CUX1: variants seen among roughly 807,000 people sequenced by gnomAD.
CUX1 encodes the protein cut like homeobox 1.
CUX1 carries 31 observed loss-of-function variants against 158.8 expected under a neutral mutation model. The ratio of observed to expected loss-of-function variants is 0.20; its 90% CI spans 0.15 to 0.26. The LOEUF (loss-of-function observed/expected upper bound fraction) is 0.26. Ranked by LOEUF, CUX1 falls within the 10% of genes least tolerant of loss-of-function variation. The pLI is 1.00. For missense variants in CUX1, 1,589 were observed against 2,014.6 expected, an observed-to-expected ratio of 0.79 and a Z score of 4.04; for synonymous variants, 879 against 862.1, an observed-to-expected ratio of 1.02 and a Z score of -0.34.
intron 8 of CUX1, among the ~76,000 whole-genome samples, chr7:102,147,135 G>A (rs1554502312): frequency 6.6e-6 from 1 of 152,070 alleles, no homozygotes; most frequent in Non-Finnish European, 1.5e-5. Flanking sequence ...GATTGGGGAG[G>A]GGTGGGGCCA....
At chr7:102,219,736 TG>T (rs1797627440) in intron 20 of CUX1, among the ~76,000 whole-genome samples, 1 of 152,260 alleles carries the variant, frequency 6.6e-6, no homozygotes, top group Non-Finnish European at 1.5e-5. Context: ...AGAAAGCTCA[TG>T]AGTGTCTCTG....
In CUX1 at chr7:102,239,316, G is replaced by T; in HGVS notation, c.3623-4G>T. 6.3e-7 allele frequency: 1 copy of T among 1,596,594 alleles called. No individual in the cohort carries two copies. The highest frequency in any genetic ancestry group is 8.6e-7 in the Non-Finnish European group (1 of 1,167,814). ...ACCTTAGTCTGCCATCTCTTCCTCC[G>T]CAGCCTACATGAAGCGGCGGCACAG... On this transcript the variant is annotated splice_polypyrimidine_tract_variant and splice_region_variant and intron_variant, in intron 22 of 23. Coordinates refer to ENST00000292535, the MANE Select transcript of CUX1 (RefSeq NM_181552.4).
intron 1 of CUX1, among the ~76,000 whole-genome samples, chr7:101,819,533 CCT>C (rs759649541): frequency 1.3e-5 from 2 of 152,056 alleles, no homozygotes. Flanking sequence ...TTTTTTTCCC[CCT>C]GTTGTGGAAG....
chr7:102,267,503 T>C (rs929264047), intron 14 of CUX1, among the ~76,000 whole-genome samples: 1 of 152,042 alleles, frequency 6.6e-6, no homozygotes, highest in South Asian at 2.1e-4. Flanking sequence ...CATTGCACTC[T>C]AGCCTGGGTG....
chr7:101,940,614 A>G (rs1807592680), intron 2 of CUX1, among the ~76,000 whole-genome samples: 1 of 151,982 alleles, frequency 6.6e-6, no homozygotes, highest in Non-Finnish European at 1.5e-5. Flanking sequence ...TAGTTCTTAT[A>G]TTGTCATTTA....
At chr7:102,061,427 T>A (rs1200689505) in intron 3 of CUX1, among the ~76,000 whole-genome samples, 2 of 152,094 alleles carry the variant, frequency 1.3e-5, no homozygotes, top group African/African-American at 4.8e-5. Flanking sequence ...ACTTGGTGGG[T>A]TTCTGCGTCT....
chr7:102,026,089 G>A (rs904718691), intron 2 of CUX1, among the ~76,000 whole-genome samples: 22 of 152,124 alleles, frequency 1.4e-4, no homozygotes, highest in African/African-American at 4.3e-4. Context: ...TGAGGTGGGA[G>A]GATCGCTTGA....
intron 5 of CUX1, 63 bp from the exon 6 acceptor site, chr7:102,104,273 A>C (rs1830100226): frequency 6.7e-7 from 1 of 1,502,250 alleles, no homozygotes. Context: ...AGAGCCTTGT[A>C]CCTACAGCCA....
chr7:102,028,539 C>T (rs1445222080), intron 3 of CUX1, among the ~76,000 whole-genome samples: 2 of 152,202 alleles, frequency 1.3e-5, no homozygotes, highest in Admixed American at 6.5e-5. Context: ...TGGTGCTTTG[C>T]TGAGAGGCTG....
chr7:102,231,223 G>T, intron 21 of CUX1, among the ~76,000 whole-genome samples: 1 of 151,968 alleles, frequency 6.6e-6, no homozygotes, highest in Non-Finnish European at 1.5e-5. Context: ...GTAGAGACGG[G>T]GTTTCACTGT....
At chr7:102,275,970 C>A (rs1412677459) in intron 17 of CUX1, among the ~76,000 whole-genome samples, 1 of 151,324 alleles carries the variant, frequency 6.6e-6, no homozygotes, top group Non-Finnish European at 1.5e-5. Context: ...TGAGATCGTG[C>A]CACTGCACTC....
rs11459794 is a variant in CUX1 at position 102,139,244 on chromosome 7, TAAAAAAAA to T, written c.675-19300_675-19293del. On this transcript the variant is annotated intron_variant, in intron 8 of 23. Transcript: ENST00000292535. Reference sequence around the variant, plus strand: ...TGGGCAACAGAGAGAGACTACATCTTAAAAAAAAAAAAAAAAAAAAAAAGGAATGGTAT... The same window carrying T: ...TGGGCAACAGAGAGAGACTACATCTTAAAAAAAAAAAAAAAGGAATGGTAT... 6.5e-3 allele frequency among the ~76,000 whole-genome samples: 607 copies of T among 93,156 alleles called. 3 individuals carry two copies. The highest frequency in any genetic ancestry group is 0.04 in the Middle Eastern group (6 of 150). The allele number at this position is 93,156 out of a possible 152,430, so 61.1% of individuals were successfully genotyped here.
Position 102,255,582 on chromosome 7 carries a change from T to A in CUX1, c.*6540T>A. The A allele has an allele frequency of 1.0e-6, 1 of 985,424 alleles. No homozygotes were observed. Among genetic ancestry groups the A allele is most frequent in the African/African-American group, 1.7e-5 (1 of 57,366 alleles). 61.0% of individuals were successfully genotyped at this position (985,424 alleles called of 1,614,324 possible). Reference sequence around the variant, plus strand: ...ACTGTAATTTCTGTAGTGTTTACGCTTTAATTTCTACCACAAAATATGCTA... The same window carrying A: ...ACTGTAATTTCTGTAGTGTTTACGCATTAATTTCTACCACAAAATATGCTA... On this transcript the variant is annotated 3_prime_UTR_variant, in exon 24 of 24. Coordinates refer to ENST00000292535, the MANE Select transcript of CUX1 (RefSeq NM_181552.4).
At chr7:101,933,977 G>A (rs1563028661) in intron 2 of CUX1, among the ~76,000 whole-genome samples, 3 of 152,202 alleles carry the variant, frequency 2.0e-5, no homozygotes, top group East Asian at 1.9e-4. Flanking sequence ...CATGTATGGC[G>A]TGCTGAGGAA....
chr7:102,089,516 G>A (rs1418489172), intron 4 of CUX1, among the ~76,000 whole-genome samples: 3 of 152,182 alleles, frequency 2.0e-5, no homozygotes, highest in Non-Finnish European at 4.4e-5. Flanking sequence ...GATGAGTTTA[G>A]CCCTCCACTC....
At chr7:102,005,600 G>C (rs1161837366) in intron 2 of CUX1, among the ~76,000 whole-genome samples, 1 of 152,022 alleles carries the variant, frequency 6.6e-6, no homozygotes, top group African/African-American at 2.4e-5. Context: ...CCTCCCACAG[G>C]GCTGGGGTTA....
chr7:102,013,125 C>CAA (rs35020263), intron 2 of CUX1, among the ~76,000 whole-genome samples: 7 of 112,596 alleles, frequency 6.2e-5, no homozygotes, highest in Non-Finnish European at 9.4e-5. Flanking sequence ...GCCGTCATAC[C>CAA]AAAAAAAAAA....
At chr7:102,177,259 C>T (rs1242416789) in intron 10 of CUX1, among the ~76,000 whole-genome samples, 13 of 151,616 alleles carry the variant, frequency 8.6e-5, no homozygotes, top group African/African-American at 2.7e-4. Context: ...ACTAAAAATA[C>T]AAAAATGAGC....
At chr7:101,836,181 T>G (rs1263410612) in intron 1 of CUX1, among the ~76,000 whole-genome samples, 1 of 152,176 alleles carries the variant, frequency 6.6e-6, no homozygotes, top group African/African-American at 2.4e-5. Context: ...GCCTCTTATG[T>G]GTAAGTCCCG....
Sources: allele counts gnomAD v4.1 joint callset (sites outside exome capture counted in the v4.1 genomes callset), GRCh38; gene constraint gnomAD v4.1.1; transcripts MANE v1.5; gene names NCBI Gene and HGNC (gene_info 2026-07-23, HGNC 2026-07-21).